CDH13: variants seen among roughly 807,000 people sequenced by gnomAD.
CDH13 encodes the protein cadherin-13.
CDH13 carries 24 observed loss-of-function variants against 63.8 expected under a neutral mutation model. The ratio of observed to expected loss-of-function variants is 0.38; its 90% CI spans 0.27 to 0.53. The LOEUF (loss-of-function observed/expected upper bound fraction) is 0.53. Among genes scored for constraint, CDH13 ranks in the 20% least tolerant of loss-of-function variants. The pLI, the probability that CDH13 is intolerant of heterozygous loss-of-function variation, is 0.85. For synonymous variants in CDH13, 503 were observed against 355.3 expected, an observed-to-expected ratio of 1.42 and a Z score of -4.67; for missense variants, 1,049 against 903.1, an observed-to-expected ratio of 1.16 and a Z score of -2.07.
intron 2 of CDH13, among the ~76,000 whole-genome samples, chr16:82,933,076 C>G (rs1309021402): frequency 6.6e-6 from 1 of 151,988 alleles, no homozygotes; most frequent in African/African-American, 2.4e-5. Context: ...TTTAGGAAGG[C>G]TGAATCAAAT....
intron 11 of CDH13, 25 bp downstream of exon 11, chr16:83,748,275 AG>A (rs1912773599): frequency 6.4e-7 from 1 of 1,572,118 alleles, no homozygotes. Flanking sequence ...AAGACCATCA[AG>A]GGTATACTTT....
At chr16:83,539,818 T>A (rs2075266386) in intron 7 of CDH13, among the ~76,000 whole-genome samples, 1 of 152,154 alleles carries the variant, frequency 6.6e-6, no homozygotes, top group East Asian at 1.9e-4. Context: ...AGAGGAGGAA[T>A]GGTTCTAGAA....
chr16:82,963,095 G>T (rs573834353), intron 2 of CDH13, among the ~76,000 whole-genome samples: 1 of 152,102 alleles, frequency 6.6e-6, no homozygotes, highest in Non-Finnish European at 1.5e-5. Context: ...AACAGGCCAG[G>T]TGTGGTGGCT....
intron 2 of CDH13, among the ~76,000 whole-genome samples, chr16:82,945,349 A>T (rs921880592): frequency 6.6e-6 from 1 of 152,172 alleles, no homozygotes; most frequent in South Asian, 2.1e-4. Flanking sequence ...CTCTTGGACC[A>T]TAGTTGGTCA....
At chr16:82,728,173 C>T (rs754079004) in intron 1 of CDH13, among the ~76,000 whole-genome samples, 4 of 152,154 alleles carry the variant, frequency 2.6e-5, no homozygotes, top group Non-Finnish European at 4.4e-5. Context: ...CAAAAATGTT[C>T]TCTGGCATTA....
intron 1 of CDH13, among the ~76,000 whole-genome samples, chr16:82,676,239 C>G (rs1011490798): frequency 6.6e-6 from 1 of 152,156 alleles, no homozygotes; most frequent in African/African-American, 2.4e-5. Context: ...ACTTGACATT[C>G]TTCTTACATG....
At chr16:83,530,640 C>G (rs993100105) in intron 7 of CDH13, among the ~76,000 whole-genome samples, 1 of 152,148 alleles carries the variant, frequency 6.6e-6, no homozygotes, top group Non-Finnish European at 1.5e-5. Context: ...TTCAATCTGC[C>G]CATCATCTTA....
At chr16:82,858,250 G>T in intron 1 of CDH13, 112 bp from the exon 2 acceptor site, 1 of 658,846 alleles carries the variant, frequency 1.5e-6, no homozygotes, top group South Asian at 2.0e-5. Context: ...CTCTTCATTT[G>T]GGAAATGAAA....
intron 6 of CDH13, among the ~76,000 whole-genome samples, chr16:83,396,197 A>G (rs960832715): frequency 6.6e-6 from 1 of 152,112 alleles, no homozygotes; most frequent in Non-Finnish European, 1.5e-5. Context: ...TCTATCGTTG[A>G]TGGGCACTTA....
intron 6 of CDH13, among the ~76,000 whole-genome samples, chr16:83,405,930 G>C (rs147140307): frequency 6.6e-6 from 1 of 152,186 alleles, no homozygotes; most frequent in Non-Finnish European, 1.5e-5. Flanking sequence ...AGTTAGAACA[G>C]GCAGCCAATG....
chr16:83,445,996 G>T (rs533831681), intron 6 of CDH13, among the ~76,000 whole-genome samples: 8 of 152,060 alleles, frequency 5.3e-5, no homozygotes, highest in African/African-American at 1.9e-4. Context: ...TTTTTTATTG[G>T]GTATAGAAAA....
chr16:83,372,028 G>A (rs1237440226), intron 6 of CDH13, among the ~76,000 whole-genome samples: 1 of 152,210 alleles, frequency 6.6e-6, no homozygotes, highest in African/African-American at 2.4e-5. Flanking sequence ...CCACGTAAGT[G>A]GGTGTTCACG....
chr16:82,783,514 C>T (rs1397097029), intron 1 of CDH13, among the ~76,000 whole-genome samples: 1 of 152,202 alleles, frequency 6.6e-6, no homozygotes, highest in Non-Finnish European at 1.5e-5. Flanking sequence ...GGGTCCCAGT[C>T]CTGAGATTAG....
rs2873648 is a variant in CDH13 at position 82,675,229 on chromosome 16, G to T, written c.45+48092G>T. On this transcript the variant is annotated intron_variant, in intron 1 of 13. Transcript: ENST00000567109. ...TCATCCTAAGATTTCTCTGACATTA[G>T]GCATTGTGGCATCGCTTTCTTGGTT... Among the ~76,000 whole-genome samples, 375 of 152,268 alleles carry T rather than the reference G, an allele frequency of 2.5e-3. 2 individuals are homozygous for T. Among genetic ancestry groups the T allele is most frequent in the South Asian group, 5.6e-3 (27 of 4,830 alleles).
chr16:83,681,244 A>T (rs968061167), intron 10 of CDH13, among the ~76,000 whole-genome samples: 1 of 152,150 alleles, frequency 6.6e-6, no homozygotes, highest in Non-Finnish European at 1.5e-5. Flanking sequence ...GTAATCAGGA[A>T]CCACAGAGAG....
At chr16:83,660,974 G>C (rs1880250433) in intron 8 of CDH13, among the ~76,000 whole-genome samples, 1 of 151,222 alleles carries the variant, frequency 6.6e-6, no homozygotes, top group Non-Finnish European at 1.5e-5. Flanking sequence ...TTATTTTTCT[G>C]TCACCATCTA....
intron 8 of CDH13, among the ~76,000 whole-genome samples, chr16:83,670,169 T>A (rs1033471308): frequency 2.0e-5 from 3 of 152,146 alleles, no homozygotes; most frequent in Non-Finnish European, 4.4e-5. Context: ...ATGGGATTGG[T>A]TTTCTTCATT....
chr16:83,594,046 C>G (rs1375687783), intron 7 of CDH13, among the ~76,000 whole-genome samples: 2 of 152,190 alleles, frequency 1.3e-5, no homozygotes, highest in Non-Finnish European at 2.9e-5. Context: ...ACTCACAGAG[C>G]TACAAGCAAT....
At chr16:83,002,486 A>G (rs1913043003) in intron 2 of CDH13, among the ~76,000 whole-genome samples, 1 of 152,232 alleles carries the variant, frequency 6.6e-6, no homozygotes, top group Admixed American at 6.5e-5. Flanking sequence ...TGTTGTTTTA[A>G]GCCACAAAGC....
Sources: gnomAD v4.1 joint callset for allele counts (sites outside exome capture counted in the v4.1 genomes callset) on GRCh38, gnomAD v4.1.1 for gene constraint, MANE v1.5 for transcripts, NCBI Gene and HGNC (gene_info 2026-07-23, HGNC 2026-07-21) for gene names.